The following FHAD1 variants were observed in gnomAD, a reference collection of about 807,000 sequenced individuals.
FHAD1 encodes forkhead associated phosphopeptide binding domain 1, also known as forkhead-associated domain-containing protein 1.
A neutral mutation model predicts 191.3 loss-of-function variants in FHAD1; 146 were observed. The ratio of observed to expected loss-of-function variants is 0.76; its 90% CI spans 0.67 to 0.88. The LOEUF is 0.88. FHAD1 is among the 40% of genes least tolerant of loss of function. The pLI is 0.00. For missense variants in FHAD1, 1,635 were observed against 1,785.8 expected (o/e 0.92, Z 1.52); for synonymous variants, 616 against 672.3 (o/e 0.92, Z 1.29).
intron 11 of FHAD1, 150 bp from the exon 12 acceptor site, chr1:15,326,909 G>A (rs1344037600): frequency 1.3e-5 from 8 of 595,188 alleles, no homozygotes; most frequent in Admixed American, 9.1e-5. Context: ...GCCACTCCCC[G>A]TGAGCGGTGA....
At chr1:15,265,770 G>A (rs1365198584) in intron 2 of FHAD1, among the ~76,000 whole-genome samples, 1 of 152,004 alleles carries the variant, frequency 6.6e-6, no homozygotes, top group East Asian at 1.9e-4. Flanking sequence ...TCTGGAGTTT[G>A]AGACCAGCCT....
chr1:15,273,905 T>C lies in FHAD1; in HGVS notation c.300+1376T>C, dbSNP rs1008258672. Reference sequence around the variant, plus strand: ...AGCACACTGTCTCCCTGTTGCCCTCTCACCCTAGCCTCTAACGACCACCGT... The same window carrying C: ...AGCACACTGTCTCCCTGTTGCCCTCCCACCCTAGCCTCTAACGACCACCGT... On this transcript the variant is annotated intron_variant, in intron 3 of 33. Transcript: ENST00000688493. 2.6e-5 allele frequency among the ~76,000 whole-genome samples: 4 copies of C among 152,236 alleles called. No individual in the cohort carries two copies. In the East Asian group the frequency reaches 7.7e-4, roughly 29 times the overall value.
chr1:15,383,297 C>T (rs112143012), intron 31 of FHAD1: 13 of 459,266 alleles, frequency 2.8e-5, no homozygotes, highest in Admixed American at 2.6e-4. Context: ...GTGCTTGTCC[C>T]GTCTCTGAAG....
chr1:15,282,707 G>T (rs1419367769), intron 3 of FHAD1, among the ~76,000 whole-genome samples: 1 of 152,182 alleles, frequency 6.6e-6, no homozygotes, highest in Non-Finnish European at 1.5e-5. Flanking sequence ...CTCATAATGT[G>T]ATGGCTACAG....
intron 19 of FHAD1, among the ~76,000 whole-genome samples, chr1:15,351,431 C>T (rs930307945): frequency 6.6e-6 from 1 of 152,158 alleles, no homozygotes; most frequent in African/African-American, 2.4e-5. Flanking sequence ...GCCCAGAGGC[C>T]GAGTAGTTAA....
In FHAD1 at chr1:15,366,003, G is replaced by A. The variant is rs1696312594; in HGVS notation, c.3154+70G>A. On this transcript the variant is annotated intron_variant, in intron 24 of 33. Coordinates refer to ENST00000688493, the MANE Select transcript of FHAD1 (RefSeq NM_001391957.1). ...GAAAGGAAGGAGATGAGGCTAAAGA[G>A]TCGGCCGGGCGCAGTGGCGCACGCC... 3.5e-6 allele frequency: 4 copies of A among 1,140,394 alleles called. No individual in the cohort carries two copies. The African/African-American group carries it at 6.2e-5, about 18-fold the overall frequency. The allele number at this position is 1,140,394 out of a possible 1,614,324, so 70.6% of individuals were successfully genotyped here.
intron 1 of FHAD1, among the ~76,000 whole-genome samples, chr1:15,237,887 A>G (rs1157557009): frequency 6.6e-6 from 1 of 152,180 alleles, no homozygotes; most frequent in Non-Finnish European, 1.5e-5. Context: ...GAGGGGATTG[A>G]TCAGCTCAGA....
At chr1:15,236,811 G>A (rs1644830640) in intron 1 of FHAD1, among the ~76,000 whole-genome samples, 1 of 152,198 alleles carries the variant, frequency 6.6e-6, no homozygotes, top group South Asian at 2.1e-4. Flanking sequence ...ACTGGGCTCT[G>A]ATATGGTTTG....
At chr1:15,299,209 A>AAG (rs1667915844) in intron 5 of FHAD1, among the ~76,000 whole-genome samples, 1 of 147,728 alleles carries the variant, frequency 6.8e-6, no homozygotes, top group Non-Finnish European at 1.5e-5. Flanking sequence ...CAAAAAAAAA[A>AAG]AAAAAAAAGG....
In FHAD1 at chr1:15,251,885, G is replaced by C. The variant is rs752745557; in HGVS notation, c.93+8G>C. On this transcript the variant is annotated splice_region_variant and intron_variant, in intron 2 of 33. Coordinates refer to ENST00000688493, the MANE Select transcript of FHAD1 (RefSeq NM_001391957.1). ...TCAGACCTTGTTTTACAGGTAAGAA[G>C]TCTTCCCACCTGTTCCCGTCCCCTC... The C allele has an allele frequency of 1.9e-5, 30 of 1,551,396 alleles. No homozygotes were observed. The highest frequency in any genetic ancestry group is 2.7e-5 in the African/African-American group (2 of 73,014).
chr1:15,299,617 G>C (rs1668097499), intron 5 of FHAD1, among the ~76,000 whole-genome samples: 1 of 152,192 alleles, frequency 6.6e-6, no homozygotes, highest in Non-Finnish European at 1.5e-5. Flanking sequence ...CGTGTGGAAG[G>C]GTCAGGGGTG....
At chr1:15,365,419 A>G (rs950871303) in intron 23 of FHAD1, among the ~76,000 whole-genome samples, 2 of 150,480 alleles carry the variant, frequency 1.3e-5, no homozygotes, top group African/African-American at 2.5e-5. Flanking sequence ...TGCTCAAGCA[A>G]TCTTCCCACC....
chr1:15,342,021 A>C, intron 16 of FHAD1, 133 bp downstream of exon 16: 1 of 690,102 alleles, frequency 1.4e-6, no homozygotes, highest in Admixed American at 3.7e-5. Context: ...TAAATTAATT[A>C]AACAGGGTGA....
intron 18 of FHAD1, among the ~76,000 whole-genome samples, chr1:15,348,790 G>A (rs184742492): frequency 1.4e-4 from 22 of 152,250 alleles, no homozygotes; most frequent in African/African-American, 4.8e-4. Flanking sequence ...CACTGACAAA[G>A]GGTGTGGCTC....
chr1:15,240,956 C>CAAAAA (rs55740154), intron 1 of FHAD1, among the ~76,000 whole-genome samples: 19 of 124,774 alleles, frequency 1.5e-4, no homozygotes, highest in East Asian at 7.3e-4. Flanking sequence ...GACTCTATCT[C>CAAAAA]AAAAAAAAAA....
chr1:15,328,238 C>T, intron 12 of FHAD1, 39 bp from the exon 13 acceptor site: 5 of 1,367,544 alleles, frequency 3.7e-6, no homozygotes, highest in Non-Finnish European at 4.9e-6. Flanking sequence ...CTGTATGTTA[C>T]ATCTTTTTTT....
chr1:15,342,812 A>T (rs1687282557), intron 16 of FHAD1, among the ~76,000 whole-genome samples: 1 of 152,006 alleles, frequency 6.6e-6, no homozygotes, highest in African/African-American at 2.4e-5. Context: ...GGCATATGGC[A>T]CTACACCCAG....
chr1:15,380,726 G>C lies in FHAD1; in HGVS notation c.3731G>C (p.Arg1244Thr). 1 of 1,551,724 alleles carries C rather than the reference G, an allele frequency of 6.4e-7. No homozygotes were observed. Among genetic ancestry groups the C allele is most frequent in the Non-Finnish European group, 8.7e-7 (1 of 1,146,984 alleles). Residue 1244 changes from arginine (R) to threonine (T), a missense_variant, in exon 29 of 34, where the codon AGG becomes ACG. By Grantham distance (71) the Arg-to-Thr change is moderately conservative. Transcript: ENST00000688493. ...CCTCAGAATGGCCTTTGCAACGCAA[G>C]GTTCGGCTCAGCCATGGAGAAGTCA... is the stretch of plus-strand genomic sequence containing the variant. ...LAPQNGLCNA[R>T]FGSAMEKSGK...
chr1:15,293,546 C>A (rs147439091), intron 4 of FHAD1, among the ~76,000 whole-genome samples: 1 of 152,064 alleles, frequency 6.6e-6, no homozygotes, highest in Admixed American at 6.5e-5. Flanking sequence ...GGTGAAACCC[C>A]ATCTCTACTA....
Sources: allele counts gnomAD v4.1 joint callset (sites outside exome capture counted in the v4.1 genomes callset), GRCh38; gene constraint gnomAD v4.1.1; transcripts MANE v1.5; gene names NCBI Gene and HGNC (gene_info 2026-07-23, HGNC 2026-07-21).